Variants in ADAMTSL3 observed in about 807,000 individuals in gnomAD.
ADAMTSL3 encodes the protein ADAMTS like 3.
Under a neutral mutation model 201.7 loss-of-function variants are expected in ADAMTSL3, and 128 were observed. The observed-to-expected ratio is 0.63, with a 90% CI of 0.55 to 0.73. The LOEUF (loss-of-function observed/expected upper bound fraction) is 0.73. Ranked by LOEUF, ADAMTSL3 falls within the 30% of genes least tolerant of loss-of-function variation. The pLI, the probability that ADAMTSL3 is intolerant of heterozygous loss-of-function variation, is 0.00. For synonymous variants in ADAMTSL3, 738 were observed against 748.4 expected, an observed-to-expected ratio of 0.99 and a Z score of 0.23; for missense variants, 1,990 against 2,119.6, an observed-to-expected ratio of 0.94 and a Z score of 1.20.
intron 2 of ADAMTSL3, among the ~76,000 whole-genome samples, chr15:83,656,529 C>T (rs545452797): frequency 6.6e-6 from 1 of 152,298 alleles, no homozygotes; most frequent in Non-Finnish European, 1.5e-5. Context: ...TTCAAGATAG[C>T]TGGATCATCT....
chr15:83,918,611 C>T (rs2066079846), intron 16 of ADAMTSL3, among the ~76,000 whole-genome samples: 2 of 152,036 alleles, frequency 1.3e-5, no homozygotes, highest in Admixed American at 6.6e-5. Flanking sequence ...TGGAAGAAGC[C>T]AGGCACAGTT....
intron 20 of ADAMTSL3, among the ~76,000 whole-genome samples, chr15:83,973,732 T>C (rs574741830): frequency 2.6e-5 from 4 of 152,150 alleles, no homozygotes; most frequent in Non-Finnish European, 5.9e-5. Flanking sequence ...GTGATTTTCC[T>C]CTCTGTTTCA....
chr15:83,977,598 AG>A (rs2067309756), intron 20 of ADAMTSL3, among the ~76,000 whole-genome samples: 1 of 152,154 alleles, frequency 6.6e-6, no homozygotes. Flanking sequence ...AGAAAAAAAA[AG>A]GTAAAAAAAA....
intron 6 of ADAMTSL3, among the ~76,000 whole-genome samples, chr15:83,826,955 G>C (rs1262879027): frequency 6.6e-6 from 1 of 152,076 alleles, no homozygotes; most frequent in Non-Finnish European, 1.5e-5. Context: ...TTTGTGAATA[G>C]TGCCGTAATA....
chr15:83,772,852 C>T (rs1365221074), intron 3 of ADAMTSL3, among the ~76,000 whole-genome samples: 6 of 151,990 alleles, frequency 3.9e-5, no homozygotes, highest in East Asian at 1.9e-4. Flanking sequence ...ATTACAGGCA[C>T]GCACCATCAC....
intron 25 of ADAMTSL3, among the ~76,000 whole-genome samples, chr15:84,017,193 C>G (rs977526813): frequency 2.0e-5 from 3 of 152,196 alleles, no homozygotes; most frequent in Non-Finnish European, 4.4e-5. Context: ...TCTCAGCTCA[C>G]TGCAAGCTCC....
At chr15:83,780,182 G>C (rs902213893) in intron 4 of ADAMTSL3, among the ~76,000 whole-genome samples, 11 of 152,114 alleles carry the variant, frequency 7.2e-5, no homozygotes, top group African/African-American at 2.4e-4. Flanking sequence ...GGCTGAGGCG[G>C]GTGGATCCCC....
At chr15:83,860,049 T>C (rs1407878827) in intron 8 of ADAMTSL3, among the ~76,000 whole-genome samples, 1 of 151,914 alleles carries the variant, frequency 6.6e-6, no homozygotes, top group Non-Finnish European at 1.5e-5. Context: ...ACGCCTGTAG[T>C]CCAAGCTACT....
chr15:83,986,854 G>C (rs2067486889), intron 21 of ADAMTSL3, among the ~76,000 whole-genome samples: 1 of 152,176 alleles, frequency 6.6e-6, no homozygotes, highest in Non-Finnish European at 1.5e-5. Flanking sequence ...ATTACTTCAA[G>C]TTAAGAGTAA....
chr15:83,767,167 C>A (rs2062905726), intron 3 of ADAMTSL3, among the ~76,000 whole-genome samples: 1 of 152,168 alleles, frequency 6.6e-6, no homozygotes, highest in Non-Finnish European at 1.5e-5. Context: ...TGTTCACCTG[C>A]AAAATGGGGA....
Position 83,773,540 on chromosome 15 carries a change from T to C in ADAMTSL3, c.207T>C (p.Arg69=), listed in dbSNP as rs137874887. 2.9e-4 allele frequency: 467 copies of C among 1,614,016 alleles called. 1 individual carries two copies. The African/African-American group carries it at 5.6e-3, about 19-fold the overall frequency. The part of the protein sequence containing the change: ...RYDDQTSRNT[R]SDEDKDGNWD... ...ACATCTAGACCTCAAGAAACACTCG[T>C]TCAGATGAAGACAAAGATGGCAACT... The change falls in exon 4 of 30, where the codon CGT becomes CGC. Residue 69 remains arginine, a synonymous_variant. Transcript: ENST00000286744.
At chr15:83,698,378 C>G (rs565924124) in intron 2 of ADAMTSL3, among the ~76,000 whole-genome samples, 3 of 152,144 alleles carry the variant, frequency 2.0e-5, no homozygotes, top group Admixed American at 1.3e-4. Context: ...TGTATCCCCA[C>G]GTCTCATATT....
chr15:83,823,898 CTTCT>C (rs2063940182), intron 6 of ADAMTSL3, among the ~76,000 whole-genome samples: 3 of 18,172 alleles, frequency 1.7e-4, no homozygotes, highest in Non-Finnish European at 3.4e-4. Flanking sequence ...TCTTCCTCTT[CTTCT>C]TCTTCTTCTT....
chr15:83,867,542 T>C (rs180998102), intron 8 of ADAMTSL3, among the ~76,000 whole-genome samples: 1 of 152,338 alleles, frequency 6.6e-6, no homozygotes, highest in Admixed American at 6.5e-5. Context: ...TATTTTCCCT[T>C]TAAGCCCTAT....
chr15:83,937,130 ACCGTTT>A, intron 17 of ADAMTSL3, among the ~76,000 whole-genome samples: 1 of 150,894 alleles, frequency 6.6e-6, no homozygotes, highest in African/African-American at 2.5e-5. Context: ...TAAAAAAATT[ACCGTTT>A]GACCCAGCAA....
At chr15:83,738,070 A>G (rs1391242833) in intron 3 of ADAMTSL3, among the ~76,000 whole-genome samples, 5 of 152,242 alleles carry the variant, frequency 3.3e-5, no homozygotes, top group Non-Finnish European at 7.3e-5. Flanking sequence ...GAAATAATTA[A>G]TCCAGAGTAT....
intron 10 of ADAMTSL3, among the ~76,000 whole-genome samples, chr15:83,888,239 A>AT (rs1420571322): frequency 6.6e-6 from 1 of 152,214 alleles, no homozygotes; most frequent in African/African-American, 2.4e-5. Flanking sequence ...ATTTCAATAC[A>AT]TTTGTTCAAG....
At chr15:83,710,941 C>G (rs1390910256) in intron 3 of ADAMTSL3, among the ~76,000 whole-genome samples, 1 of 152,116 alleles carries the variant, frequency 6.6e-6, no homozygotes, top group Non-Finnish European at 1.5e-5. Context: ...CCCTTAAGCT[C>G]AGTTAAGACA....
At chr15:83,973,410 ACCT>A (rs1325489695) in intron 20 of ADAMTSL3, among the ~76,000 whole-genome samples, 1 of 151,342 alleles carries the variant, frequency 6.6e-6, no homozygotes, top group Non-Finnish European at 1.5e-5. Flanking sequence ...CCTTTCATTA[ACCT>A]CCTGTACTGA....
Sources: gnomAD v4.1 joint callset for allele counts (sites outside exome capture counted in the v4.1 genomes callset) on GRCh38, gnomAD v4.1.1 for gene constraint, MANE v1.5 for transcripts, NCBI Gene and HGNC (gene_info 2026-07-23, HGNC 2026-07-21) for gene names.